GRIN2A: variants seen among roughly 807,000 people sequenced by gnomAD.
The protein encoded by GRIN2A is glutamate ionotropic receptor NMDA type subunit 2A.
In GRIN2A, 22 loss-of-function variants were observed where a neutral mutation model predicts 113.4. The ratio of observed to expected loss-of-function variants is 0.19; its 90% CI spans 0.14 to 0.28. The LOEUF (loss-of-function observed/expected upper bound fraction) is 0.28. Ranked by LOEUF, GRIN2A falls within the 10% of genes least tolerant of loss-of-function variation. GRIN2A has a pLI of 1.00. For synonymous variants in GRIN2A, 827 were observed against 738.4 expected, an observed-to-expected ratio of 1.12 and a Z score of -1.94; for missense variants, 1,502 against 1,887.0, an observed-to-expected ratio of 0.80 and a Z score of 3.78.
At chr16:9,961,724 T>C (rs1259195907) in intron 2 of GRIN2A, among the ~76,000 whole-genome samples, 1 of 152,232 alleles carries the variant, frequency 6.6e-6, no homozygotes, top group Non-Finnish European at 1.5e-5. Context: ...ATAGATTCAA[T>C]GCCATCCCCA....
intron 2 of GRIN2A, among the ~76,000 whole-genome samples, chr16:10,040,513 AAC>A (rs891599809): frequency 2.3e-4 from 34 of 148,912 alleles, no homozygotes; most frequent in African/African-American, 7.7e-4. Context: ...CCACACCACA[AAC>A]ACACATCCAC....
At chr16:9,907,752 C>T (rs117799129) in intron 3 of GRIN2A, among the ~76,000 whole-genome samples, 1 of 152,184 alleles carries the variant, frequency 6.6e-6, no homozygotes, top group Non-Finnish European at 1.5e-5. Flanking sequence ...AGAGAGTCCA[C>T]CTTTTCCCAA....
At position 9,867,725 on chromosome 16, in the gene GRIN2A, C is replaced by G. The variant is rs188662645; in HGVS notation, c.1123-17764G>C. 7.5e-4 allele frequency among the ~76,000 whole-genome samples: 114 copies of G among 152,292 alleles called. 1 individual carries two copies. The highest frequency in any genetic ancestry group is 2.6e-3 in the African/African-American group (109 of 41,560). ...ACTACCATTACCCAACTGTTTCCCA[C>G]CTCGTTGGCTGATTCATCTCTGCCA... On this transcript the variant is annotated intron_variant, in intron 4 of 12. Coordinates refer to ENST00000330684, the MANE Select transcript of GRIN2A (RefSeq NM_001134407.3).
chr16:10,119,816 T>C (rs2048799295), intron 2 of GRIN2A, among the ~76,000 whole-genome samples: 2 of 152,210 alleles, frequency 1.3e-5, no homozygotes. Flanking sequence ...CTCCCACTTA[T>C]AAGTAAGAAC....
chr16:9,852,556 T>C (rs1030336936), intron 4 of GRIN2A, among the ~76,000 whole-genome samples: 2 of 152,146 alleles, frequency 1.3e-5, no homozygotes, highest in African/African-American at 4.8e-5. Context: ...TCCTGACACA[T>C]CCAAGTATCC....
chr16:9,949,908 G>C (rs2141669911), intron 2 of GRIN2A, among the ~76,000 whole-genome samples: 1 of 152,296 alleles, frequency 6.6e-6, no homozygotes, highest in South Asian at 2.1e-4. Flanking sequence ...CAGGGTATAA[G>C]TGAGAGCTGG....
At chr16:9,908,103 T>C (rs1490436209) in intron 3 of GRIN2A, among the ~76,000 whole-genome samples, 3 of 152,228 alleles carry the variant, frequency 2.0e-5, no homozygotes, top group East Asian at 1.9e-4. Context: ...CTGGCCTAAA[T>C]AGAGGTCTGA....
At chr16:10,115,712 G>A (rs1265685315) in intron 2 of GRIN2A, among the ~76,000 whole-genome samples, 1 of 152,216 alleles carries the variant, frequency 6.6e-6, no homozygotes, top group East Asian at 1.9e-4. Flanking sequence ...AACATTTTGT[G>A]TGAATGGGGT....
chr16:9,849,207 TTC>T (rs1181489298), intron 5 of GRIN2A, among the ~76,000 whole-genome samples: 2 of 144,138 alleles, frequency 1.4e-5, no homozygotes, highest in South Asian at 2.1e-4. Flanking sequence ...AATATATAAT[TTC>T]TATATATTTA....
intron 7 of GRIN2A, among the ~76,000 whole-genome samples, chr16:9,839,988 G>T (rs564570295): frequency 2.0e-5 from 3 of 152,160 alleles, no homozygotes; most frequent in South Asian, 2.1e-4. Flanking sequence ...CATGGTGGTG[G>T]GCACCTATAA....
intron 2 of GRIN2A, among the ~76,000 whole-genome samples, chr16:10,095,976 T>C (rs2048282469): frequency 6.6e-6 from 1 of 152,216 alleles, no homozygotes; most frequent in South Asian, 2.1e-4. Context: ...TTCTGTAAGC[T>C]TGAAAATATA....
chr16:9,958,351 A>G (rs1336645003), intron 2 of GRIN2A, among the ~76,000 whole-genome samples: 2 of 152,054 alleles, frequency 1.3e-5, no homozygotes, highest in Non-Finnish European at 2.9e-5. Flanking sequence ...GTCTTCTGAG[A>G]TCATCTTTCT....
At chr16:10,039,604 G>C (rs540068303) in intron 2 of GRIN2A, among the ~76,000 whole-genome samples, 4 of 151,882 alleles carry the variant, frequency 2.6e-5, no homozygotes, top group African/African-American at 9.7e-5. Context: ...GGGAGGGACC[G>C]GTGGCGTTGG....
At chr16:10,097,223 G>A (rs1339857267) in intron 2 of GRIN2A, among the ~76,000 whole-genome samples, 2 of 152,144 alleles carry the variant, frequency 1.3e-5, no homozygotes, top group African/African-American at 4.8e-5. Context: ...TTCTATTTGT[G>A]GGAAGTGATA....
chr16:10,124,477 T>A (rs960800428), intron 2 of GRIN2A, among the ~76,000 whole-genome samples: 2 of 137,592 alleles, frequency 1.5e-5, no homozygotes, highest in Non-Finnish European at 3.3e-5. Flanking sequence ...CCTTGATAAC[T>A]CTTTGTTTAT....
intron 4 of GRIN2A, among the ~76,000 whole-genome samples, chr16:9,864,203 A>C (rs2043122189): frequency 6.6e-6 from 1 of 152,232 alleles, no homozygotes; most frequent in Non-Finnish European, 1.5e-5. Flanking sequence ...AGTCTGGCAG[A>C]GTAAACAGCT....
intron 9 of GRIN2A, among the ~76,000 whole-genome samples, chr16:9,826,620 T>A (rs1005435058): frequency 6.6e-6 from 1 of 152,170 alleles, no homozygotes; most frequent in Non-Finnish European, 1.5e-5. Context: ...ACTTTCTTGG[T>A]GTATCTTCTA....
chr16:10,031,030 A>C (rs1210958753), intron 2 of GRIN2A, among the ~76,000 whole-genome samples: 1 of 152,196 alleles, frequency 6.6e-6, no homozygotes, highest in African/African-American at 2.4e-5. Context: ...GCCAGGGAGA[A>C]ATCTGAACTC....
chr16:10,010,871 G>A (rs1404795463), intron 2 of GRIN2A, among the ~76,000 whole-genome samples: 1 of 152,162 alleles, frequency 6.6e-6, no homozygotes, highest in Admixed American at 6.5e-5. Context: ...ACTCCAGGGG[G>A]CAGCAATCAT....
Sources: allele counts gnomAD v4.1 joint callset (sites outside exome capture counted in the v4.1 genomes callset), GRCh38; gene constraint gnomAD v4.1.1; transcripts MANE v1.5; gene names NCBI Gene and HGNC (gene_info 2026-07-23, HGNC 2026-07-21).